CTNNA3: variants seen among roughly 807,000 people sequenced by gnomAD.
The protein encoded by CTNNA3 is catenin alpha 3.
In CTNNA3, 76 loss-of-function variants were observed where a neutral mutation model predicts 95.7. The ratio of observed to expected loss-of-function variants is 0.79; its 90% CI spans 0.66 to 0.96. The LOEUF is 0.96. Ranked by LOEUF, CTNNA3 falls within the 40% of genes least tolerant of loss-of-function variation. The pLI is 0.00. For missense variants in CTNNA3, 1,191 were observed against 1,089.8 expected, an observed-to-expected ratio of 1.09 and a Z score of -1.31; for synonymous variants, 431 against 374.4, an observed-to-expected ratio of 1.15 and a Z score of -1.74.
chr10:66,173,596 T>C (rs963761490), intron 13 of CTNNA3, among the ~76,000 whole-genome samples: 4 of 151,554 alleles, frequency 2.6e-5, no homozygotes, highest in African/African-American at 9.7e-5. Context: ...GACAGGAGGA[T>C]CACTTGAGCC....
intron 15 of CTNNA3, among the ~76,000 whole-genome samples, chr10:66,035,630 A>T (rs2079545897): frequency 6.6e-6 from 1 of 151,064 alleles, no homozygotes; most frequent in South Asian, 2.1e-4. Flanking sequence ...GTATTTGGGG[A>T]TGAGTTTACC....
At chr10:67,398,824 C>G (rs1027935349) in intron 5 of CTNNA3, among the ~76,000 whole-genome samples, 3 of 152,076 alleles carry the variant, frequency 2.0e-5, no homozygotes, top group Middle Eastern at 3.2e-3. Context: ...AGGGGCTTTT[C>G]CCCCTTTTGC....
At chr10:66,388,202 T>G (rs973552842) in intron 11 of CTNNA3, among the ~76,000 whole-genome samples, 7 of 152,128 alleles carry the variant, frequency 4.6e-5, no homozygotes, top group Non-Finnish European at 1.0e-4. Flanking sequence ...CTGTATTCAC[T>G]AAGGTGTTCA....
At chr10:66,983,223 T>C (rs575365962) in intron 7 of CTNNA3, among the ~76,000 whole-genome samples, 54 of 152,300 alleles carry the variant, frequency 3.5e-4, no homozygotes, top group African/African-American at 1.3e-3. Flanking sequence ...AATGGAGGCT[T>C]TGGCTGCCAC....
rs73324999 is a variant in CTNNA3 at position 67,006,255 on chromosome 10, T to A, written c.1047+174062A>T. 7.5e-3 allele frequency among the ~76,000 whole-genome samples: 1,139 copies of A among 152,194 alleles called. 6 individuals carry two copies. The highest frequency in any genetic ancestry group is 0.027 in the African/African-American group (1,101 of 41,538). Reference sequence around the variant, plus strand: ...CTTCTGCCTGATTCCAAAGCTGTACTCTCTTCTCTACATCACACCACTTAA... The same window carrying A: ...CTTCTGCCTGATTCCAAAGCTGTACACTCTTCTCTACATCACACCACTTAA... On this transcript the variant is annotated intron_variant, in intron 7 of 17. Coordinates refer to ENST00000433211, the MANE Select transcript of CTNNA3 (RefSeq NM_013266.4).
chr10:67,016,447 T>C (rs1852663129), intron 7 of CTNNA3, among the ~76,000 whole-genome samples: 1 of 152,216 alleles, frequency 6.6e-6, no homozygotes, highest in Non-Finnish European at 1.5e-5. Flanking sequence ...TACCACCTAC[T>C]TCTTCCACCT....
chr10:65,990,154 C>T (rs74450572), intron 15 of CTNNA3, among the ~76,000 whole-genome samples: 16,328 of 151,506 alleles, frequency 0.11, 1,106 homozygotes, highest in East Asian at 0.2. Context: ...GTTGATTTCA[C>T]ATCTTTGCTA....
In CTNNA3 at chr10:65,956,959, C is replaced by T. The variant is rs544399691; in HGVS notation, c.2400+9653G>A. Among the ~76,000 whole-genome samples the T allele has an allele frequency of 1.1e-4, 16 of 151,972 alleles. No homozygotes were observed. In the South Asian group the frequency reaches 3.1e-3, roughly 30 times the overall value. ...GGATATCCTTGTTAACTTTCTGTCC[C>T]GTTGATGTGTCTAATGTTGACAGTG... On this transcript the variant is annotated intron_variant, in intron 17 of 17. Transcript: ENST00000433211.
At chr10:67,211,658 T>A (rs1399579721) in intron 6 of CTNNA3, among the ~76,000 whole-genome samples, 1 of 152,154 alleles carries the variant, frequency 6.6e-6, no homozygotes, top group African/African-American at 2.4e-5. Flanking sequence ...ATATAATTCA[T>A]CCAATAGCAA....
intron 9 of CTNNA3, among the ~76,000 whole-genome samples, chr10:66,706,695 A>C (rs1848129952): frequency 6.6e-6 from 1 of 152,052 alleles, no homozygotes; most frequent in Admixed American, 6.6e-5. Context: ...CTTTACCCTA[A>C]AAATTAATAC....
chr10:67,088,477 A>G (rs1267998528), intron 7 of CTNNA3, among the ~76,000 whole-genome samples: 1 of 151,890 alleles, frequency 6.6e-6, no homozygotes, highest in African/African-American at 2.4e-5. Context: ...AAGATTTTTT[A>G]TTGCAAAGAT....
chr10:66,309,501 G>A (rs971735437), intron 12 of CTNNA3, among the ~76,000 whole-genome samples: 4 of 151,186 alleles, frequency 2.6e-5, no homozygotes, highest in East Asian at 2.0e-4. Flanking sequence ...GACCATCCTG[G>A]CTAACACTGT....
intron 15 of CTNNA3, among the ~76,000 whole-genome samples, chr10:66,011,084 C>T (rs867574351): frequency 1.1e-4 from 16 of 152,154 alleles, no homozygotes; most frequent in Admixed American, 6.5e-5. Flanking sequence ...CAGAATCCTA[C>T]CTCATCCCTC....
chr10:67,595,227 G>C (rs963920571), intron 3 of CTNNA3, among the ~76,000 whole-genome samples: 1 of 152,046 alleles, frequency 6.6e-6, no homozygotes, highest in Non-Finnish European at 1.5e-5. Context: ...CTAAAATTTA[G>C]ACTGTCAATT....
intron 9 of CTNNA3, among the ~76,000 whole-genome samples, chr10:66,627,789 A>G (rs1045046986): frequency 3.9e-5 from 6 of 152,148 alleles, no homozygotes; most frequent in East Asian, 1.9e-4. Flanking sequence ...TAATTCTTCA[A>G]TGTCTATTAG....
rs927344648 is a variant in CTNNA3 at position 67,508,877 on chromosome 10, A to C, written c.579+12965T>G. 1.0e-4 allele frequency among the ~76,000 whole-genome samples: 14 copies of C among 140,694 alleles called. No individual in the cohort carries two copies. In the East Asian group the frequency reaches 4.7e-3, roughly 47 times the overall value. 92.3% of individuals were successfully genotyped at this position (140,694 alleles called of 152,430 possible). ...AAAAATGAGCAAAATACCTAAATAG[A>C]CATTTTTTTTTTTTTGAGACCTAAG... On this transcript the variant is annotated intron_variant, in intron 5 of 17. Transcript: ENST00000433211.
At chr10:67,757,842 CTCTT>C (rs1841441958) in intron 1 of CTNNA3, among the ~76,000 whole-genome samples, 1 of 152,182 alleles carries the variant, frequency 6.6e-6, no homozygotes, top group African/African-American at 2.4e-5. Flanking sequence ...TTAATAAACT[CTCTT>C]TAATATATAC....
At chr10:67,413,086 G>A (rs1223749132) in intron 5 of CTNNA3, among the ~76,000 whole-genome samples, 1 of 152,078 alleles carries the variant, frequency 6.6e-6, no homozygotes, top group Non-Finnish European at 1.5e-5. Flanking sequence ...CCAATCTGTT[G>A]TTTTCAAGAG....
chr10:66,212,155 A>G (rs1449396590), intron 13 of CTNNA3, among the ~76,000 whole-genome samples: 1 of 151,814 alleles, frequency 6.6e-6, no homozygotes, highest in Non-Finnish European at 1.5e-5. Flanking sequence ...ACGCCTGGCT[A>G]ATTTTTGTAT....
Sources: gnomAD v4.1 joint callset for allele counts (sites outside exome capture counted in the v4.1 genomes callset) on GRCh38, gnomAD v4.1.1 for gene constraint, MANE v1.5 for transcripts, NCBI Gene and HGNC (gene_info 2026-07-23, HGNC 2026-07-21) for gene names.